The following RASAL2 variants were observed in gnomAD, a reference collection of about 807,000 sequenced individuals.
The protein encoded by RASAL2 is ras GTPase-activating protein nGAP.
In RASAL2, 58 loss-of-function variants were observed where a neutral mutation model predicts 128.9. The observed-to-expected ratio is 0.45, with a 90% CI of 0.36 to 0.56. The LOEUF (loss-of-function observed/expected upper bound fraction) is 0.56. Among genes scored for constraint, RASAL2 ranks in the 20% least tolerant of loss-of-function variants. The pLI is 0.00. For synonymous variants in RASAL2, 561 were observed against 580.8 expected (o/e 0.97, Z 0.49); for missense variants, 1,360 against 1,601.6 (o/e 0.85, Z 2.57).
At chr1:178,419,565 A>G (rs2102744136) in intron 4 of RASAL2, among the ~76,000 whole-genome samples, 1 of 152,316 alleles carries the variant, frequency 6.6e-6, no homozygotes, top group African/African-American at 2.4e-5. Flanking sequence ...CTGGGACTAC[A>G]GGCATGAGCT....
At chr1:178,206,756 T>C (rs1456419386) in intron 1 of RASAL2, among the ~76,000 whole-genome samples, 1 of 152,194 alleles carries the variant, frequency 6.6e-6, no homozygotes, top group African/African-American at 2.4e-5. Context: ...ATGTTACTTC[T>C]AACAGTAAAA....
chr1:178,286,882 G>A (rs1452804876), intron 2 of RASAL2, among the ~76,000 whole-genome samples: 1 of 152,100 alleles, frequency 6.6e-6, no homozygotes, highest in East Asian at 1.9e-4. Flanking sequence ...CCTCTCTAAG[G>A]ATCCCACCTT....
At position 178,300,021 on chromosome 1, in the gene RASAL2, G is replaced by T; in HGVS notation, c.360G>T (p.Gln120His). 6.2e-7 allele frequency: 1 copy of T among 1,614,004 alleles called. No individual in the cohort carries two copies. Among genetic ancestry groups the T allele is most frequent in the South Asian group, 1.1e-5 (1 of 91,076 alleles). ...CTGTGGAAGGGGGACAGGAGCAGCA[G>T]ACAGATTCCACCAAAGGGCGATGCC... Reference protein sequence around the residue: ...EIPVEGGQEQQTDSTKGRCLR... With the variant: ...EIPVEGGQEQHTDSTKGRCLR... Residue 120 changes from glutamine (Q) to histidine (H), a missense_variant, in exon 3 of 18, where the codon CAG becomes CAT. Around this residue, in one of 3 missense-constraint regions of RASAL2, gnomAD observed 617 missense variants for 714.2 expected, o/e 0.86. Coordinates refer to ENST00000367649, the MANE Select transcript of RASAL2 (RefSeq NM_170692.4).
chr1:178,222,024 AT>A (rs1663632703), intron 1 of RASAL2, among the ~76,000 whole-genome samples: 2 of 151,980 alleles, frequency 1.3e-5, no homozygotes, highest in African/African-American at 4.8e-5. Context: ...GATAATTTTT[AT>A]TTCTCTAGTC....
chr1:178,173,701 A>G (rs1051891367), intron 1 of RASAL2, among the ~76,000 whole-genome samples: 1 of 151,904 alleles, frequency 6.6e-6, no homozygotes, highest in East Asian at 1.9e-4. Flanking sequence ...CTTTACCACT[A>G]CTTCTTTCCT....
intron 4 of RASAL2, among the ~76,000 whole-genome samples, chr1:178,416,983 T>TA: frequency 1.3e-5 from 2 of 151,440 alleles, no homozygotes; most frequent in Middle Eastern, 6.8e-3. Flanking sequence ...TTTTAGGGTT[T>TA]TTTTTTTTGG....
At chr1:178,096,320 T>A (rs1658681040) in intron 1 of RASAL2, among the ~76,000 whole-genome samples, 1 of 152,228 alleles carries the variant, frequency 6.6e-6, no homozygotes, top group African/African-American at 2.4e-5. Flanking sequence ...GATAATTCGG[T>A]ATTTCAGTAT....
rs1437388934 is a variant in RASAL2, at chr1:178,122,853, C to G, written c.202+28159C>G. Reference sequence around the variant, plus strand: ...CTTACTTTCCATTTTTTTTTTTTTGCTCACACACTACTTTGGATGATTTTA... The same window carrying G: ...CTTACTTTCCATTTTTTTTTTTTTGGTCACACACTACTTTGGATGATTTTA... On this transcript the variant is annotated intron_variant, in intron 1 of 17. Transcript: ENST00000367649. 4.0e-5 allele frequency among the ~76,000 whole-genome samples: 5 copies of G among 125,780 alleles called. No homozygotes were observed. The East Asian group carries it at 9.3e-4, about 23-fold the overall frequency. The allele number at this position is 125,780 out of a possible 152,430, so 82.5% of individuals were successfully genotyped here. A position where few individuals can be genotyped will look rare whatever the true frequency, so the allele number is the denominator to read the frequency against.
At chr1:178,272,410 C>T (rs1666303775) in intron 1 of RASAL2, among the ~76,000 whole-genome samples, 1 of 152,092 alleles carries the variant, frequency 6.6e-6, no homozygotes, top group Admixed American at 6.5e-5. Flanking sequence ...ATTTATTGAT[C>T]TCTAAGATAC....
At chr1:178,200,417 T>C (rs945982683) in intron 1 of RASAL2, among the ~76,000 whole-genome samples, 2 of 152,230 alleles carry the variant, frequency 1.3e-5, no homozygotes, top group South Asian at 2.1e-4. Flanking sequence ...ACTTTATACA[T>C]AATACCTTTG....
intron 3 of RASAL2, among the ~76,000 whole-genome samples, chr1:178,370,580 T>G (rs1671646955): frequency 6.6e-6 from 1 of 152,246 alleles, no homozygotes. Flanking sequence ...ACTGTCACTT[T>G]AACTACTTTT....
At chr1:178,398,135 A>G (rs1345342339) in intron 4 of RASAL2, among the ~76,000 whole-genome samples, 1 of 151,954 alleles carries the variant, frequency 6.6e-6, no homozygotes, top group Non-Finnish European at 1.5e-5. Flanking sequence ...TTTTTAGTTA[A>G]TCGTTTCTGA....
intron 2 of RASAL2, among the ~76,000 whole-genome samples, chr1:178,284,507 C>T (rs1402928079): frequency 1.3e-5 from 2 of 152,146 alleles, no homozygotes; most frequent in Non-Finnish European, 2.9e-5. Context: ...CAGAATGTAA[C>T]CAGGACAGGC....
intron 3 of RASAL2, among the ~76,000 whole-genome samples, chr1:178,379,461 G>C (rs1672162402): frequency 6.6e-6 from 1 of 151,900 alleles, no homozygotes; most frequent in East Asian, 1.9e-4. Context: ...GAGAGAAATG[G>C]AATCAGTAGT....
chr1:178,197,395 A>C (rs995569330), intron 1 of RASAL2, among the ~76,000 whole-genome samples: 24 of 152,142 alleles, frequency 1.6e-4, no homozygotes, highest in African/African-American at 5.5e-4. Flanking sequence ...CAGAGGTTGC[A>C]GTGAGCCGAG....
At chr1:178,426,133 T>TA (rs1675498987) in intron 5 of RASAL2, among the ~76,000 whole-genome samples, 1 of 152,144 alleles carries the variant, frequency 6.6e-6, no homozygotes, top group South Asian at 2.1e-4. Flanking sequence ...TCCCAGCTGA[T>TA]AAATTCATTC....
intron 14 of RASAL2, among the ~76,000 whole-genome samples, chr1:178,462,211 T>C (rs1678251394): frequency 6.6e-6 from 1 of 152,156 alleles, no homozygotes; most frequent in South Asian, 2.1e-4. Context: ...ATCCAGCTTA[T>C]AAGGAGATGG....
rs549110212 is a variant in RASAL2 at position 178,348,620 on chromosome 1, G to A, written c.458-41480G>A. Among the ~76,000 whole-genome samples, 4 of 152,082 alleles carry A rather than the reference G, an allele frequency of 2.6e-5. No individual in the cohort carries two copies. The South Asian group carries it at 8.3e-4, about 32-fold the overall frequency. ...AGCCTGTACACTTTTCTACATGTAT[G>A]TTATACTTCAGTAAAAAGTTCAAGG... On this transcript the variant is annotated intron_variant, in intron 3 of 17. Coordinates refer to ENST00000367649, the MANE Select transcript of RASAL2 (RefSeq NM_170692.4).
At chr1:178,265,660 G>A (rs187599002) in intron 1 of RASAL2, among the ~76,000 whole-genome samples, 5 of 152,260 alleles carry the variant, frequency 3.3e-5, no homozygotes, top group African/African-American at 1.2e-4. Context: ...TACATAAATT[G>A]TATAGCTTGA....
Sources: gnomAD v4.1 joint callset for allele counts (sites outside exome capture counted in the v4.1 genomes callset) on GRCh38, gnomAD v4.1.1 for gene constraint, gnomAD v4.1.1 regional missense constraint, MANE v1.5 for transcripts, NCBI Gene and HGNC (gene_info 2026-07-23, HGNC 2026-07-21) for gene names.